Variants in ZFAT observed in about 807,000 individuals in gnomAD.
ZFAT encodes the protein zinc finger protein ZFAT.
A neutral mutation model predicts 117.7 loss-of-function variants in ZFAT; 64 were observed. The observed-to-expected ratio is 0.54, with a 90% CI of 0.44 to 0.67. The LOEUF (loss-of-function observed/expected upper bound fraction) is 0.67, where lower values mean the gene tolerates loss of function less well. Among genes scored for constraint, ZFAT ranks in the 30% least tolerant of loss-of-function variants. The pLI is 0.00. For missense variants in ZFAT, 1,433 were observed against 1,584.5 expected (o/e 0.90, Z 1.62); for synonymous variants, 679 against 615.0 (o/e 1.10, Z -1.54).
At chr8:134,645,249 C>G (rs2131146555) in intron 2 of ZFAT, among the ~76,000 whole-genome samples, 1 of 152,310 alleles carries the variant, frequency 6.6e-6, no homozygotes, top group South Asian at 2.1e-4. Flanking sequence ...TAAACCATTT[C>G]AAGTAGCTCT....
At chr8:134,516,997 G>A (rs756184783) in intron 13 of ZFAT, among the ~76,000 whole-genome samples, 2 of 152,132 alleles carry the variant, frequency 1.3e-5, no homozygotes, top group African/African-American at 2.4e-5. Context: ...TAAACTTACA[G>A]AATTAAACAT....
At chr8:134,617,780 G>GT (rs1175160836) in intron 3 of ZFAT, among the ~76,000 whole-genome samples, 6 of 152,196 alleles carry the variant, frequency 3.9e-5, no homozygotes, top group Admixed American at 2.6e-4. Flanking sequence ...CTGAGCTGCC[G>GT]TAAACCACAG....
At chr8:134,678,163 T>C (rs1832895915) in intron 1 of ZFAT, among the ~76,000 whole-genome samples, 1 of 152,218 alleles carries the variant, frequency 6.6e-6, no homozygotes, top group African/African-American at 2.4e-5. Flanking sequence ...AAATTGTCTC[T>C]GTTTGCAGAA....
At chr8:134,530,547 G>A (rs537336450) in intron 12 of ZFAT, among the ~76,000 whole-genome samples, 10 of 152,268 alleles carry the variant, frequency 6.6e-5, no homozygotes, top group East Asian at 5.8e-4. Context: ...GCACAACGGC[G>A]CATGGCCTCT....
intron 10 of ZFAT, among the ~76,000 whole-genome samples, chr8:134,573,839 C>A (rs772412695): frequency 6.6e-6 from 1 of 152,210 alleles, no homozygotes; most frequent in South Asian, 2.1e-4. Flanking sequence ...TCCTTTGCAG[C>A]GCTGCCTGGG....
intron 5 of ZFAT, among the ~76,000 whole-genome samples, chr8:134,607,641 C>G (rs1827993175): frequency 6.6e-6 from 1 of 152,228 alleles, no homozygotes; most frequent in Non-Finnish European, 1.5e-5. Flanking sequence ...TAGAGCCAAC[C>G]TAGGTCTATT....
At chr8:134,619,443 A>AACAAACACATCTC (rs550830137) in intron 3 of ZFAT, among the ~76,000 whole-genome samples, 2 of 152,118 alleles carry the variant, frequency 1.3e-5, no homozygotes, top group Non-Finnish European at 2.9e-5. Flanking sequence ...TGTCTGATCT[A>AACAAACACATCTC]ACAAACACAT....
At chr8:134,622,607 AG>A (rs549969417) in intron 3 of ZFAT, among the ~76,000 whole-genome samples, 28 of 152,092 alleles carry the variant, frequency 1.8e-4, no homozygotes, top group Non-Finnish European at 4.1e-4. Context: ...AGTTCTGGTG[AG>A]GTCCTGCTTG....
chr8:134,599,175 GAGAC>G (rs1238858206), intron 7 of ZFAT: 1 of 152,286 alleles, frequency 6.6e-6, no homozygotes, highest in African/African-American at 2.4e-5. Context: ...CAAAGAGAGA[GAGAC>G]AGAAAGAAAA....
At chr8:134,819,572 C>T in the ZFAT span, among the ~76,000 whole-genome samples, 1 of 135,768 alleles carries the variant, frequency 7.4e-6, no homozygotes, top group South Asian at 2.4e-4. Context: ...ATTACATTTG[C>T]TCCCGCTCCT....
chr8:134,735,719 C>G, the ZFAT span, among the ~76,000 whole-genome samples: 1 of 152,054 alleles, frequency 6.6e-6, no homozygotes, highest in African/African-American at 2.4e-5. Context: ...GAAATTAAAT[C>G]ACTCATGAGG....
intron 3 of ZFAT, among the ~76,000 whole-genome samples, chr8:134,616,865 T>C (rs919937200): frequency 1.3e-5 from 2 of 152,084 alleles, no homozygotes; most frequent in Non-Finnish European, 2.9e-5. Flanking sequence ...CTCTGGACAA[T>C]TGATGAATCT....
At chr8:134,542,860 A>G (rs939077549) in intron 11 of ZFAT, among the ~76,000 whole-genome samples, 4 of 152,168 alleles carry the variant, frequency 2.6e-5, no homozygotes, top group Non-Finnish European at 5.9e-5. Flanking sequence ...GTTACTGCAC[A>G]GAAGAAGAGA....
intron 10 of ZFAT, among the ~76,000 whole-genome samples, chr8:134,568,736 T>A (rs937716766): frequency 6.6e-6 from 1 of 152,186 alleles, no homozygotes; most frequent in Non-Finnish European, 1.5e-5. Flanking sequence ...GCAATAAATA[T>A]TACTAATGTT....
chr8:134,497,949 G>C (rs1818610936), intron 15 of ZFAT, among the ~76,000 whole-genome samples: 2 of 144,620 alleles, frequency 1.4e-5, no homozygotes, highest in Non-Finnish European at 3.0e-5. Context: ...TACACACAGA[G>C]CCTGATTTGG....
At chr8:134,513,287 C>T (rs1288240577) in intron 13 of ZFAT, among the ~76,000 whole-genome samples, 1 of 151,906 alleles carries the variant, frequency 6.6e-6, no homozygotes. Flanking sequence ...AATCTCTGCC[C>T]GCCAGGTTCA....
In ZFAT at chr8:134,478,574, C is replaced by A; in HGVS notation, c.3640G>T (p.Gly1214Cys). The A allele has an allele frequency of 6.3e-7, 1 of 1,594,492 alleles. No individual in the cohort carries two copies. The highest frequency in any genetic ancestry group is 8.5e-7 in the Non-Finnish European group (1 of 1,171,044). Residue 1214 changes from glycine (G) to cysteine (C), a missense_variant, in exon 16 of 16, where the codon GGC becomes TGC. Transcript: ENST00000377838. This position sits in a 1 kb window ranked among gnomAD's most constrained non-coding sequence, Gnocchi z 5.2. ...ACGATGAACTCCGAGGCCTCCCCGC[C>A]CTGCGTGTAGACAGTCACCGTCTCA... is the stretch of plus-strand genomic sequence containing the variant. ...GIETVTVYTQ[G>C]GEASEFIVYV... is the part of the protein sequence containing the mutation.
chr8:134,531,309 G>C (rs1821383462), intron 12 of ZFAT, among the ~76,000 whole-genome samples: 1 of 152,134 alleles, frequency 6.6e-6, no homozygotes, highest in Non-Finnish European at 1.5e-5. Flanking sequence ...GAGTGTGAAG[G>C]ATGCGAAAAA....
At chr8:134,601,381 A>G (rs894347) in intron 6 of ZFAT, 96 bp downstream of exon 6, 616,621 of 1,492,956 alleles carry the variant, frequency 0.41, 129,812 homozygotes, top group Admixed American at 0.6. Context: ...CTTAGAAGGT[A>G]TTCTTTGCAA....
Sources: gnomAD v4.1 joint callset for allele counts (sites outside exome capture counted in the v4.1 genomes callset) on GRCh38, gnomAD v4.1.1 for gene constraint, Gnocchi (gnomAD v3.1) non-coding constraint, MANE v1.5 for transcripts, NCBI Gene and HGNC (gene_info 2026-07-23, HGNC 2026-07-21) for gene names.